The following TRABD2B variants were observed in gnomAD, a reference collection of about 807,000 sequenced individuals.
The protein encoded by TRABD2B is TraB domain containing 2B.
A neutral mutation model predicts 40.1 loss-of-function variants in TRABD2B; 14 were observed. The ratio of observed to expected loss-of-function variants is 0.35; its 90% CI spans 0.23 to 0.55. The LOEUF (loss-of-function observed/expected upper bound fraction) is 0.55. Ranked by LOEUF, TRABD2B falls within the 20% of genes least tolerant of loss-of-function variation. The probability of loss-of-function intolerance (pLI) is 0.90; values close to 1 mark genes in which losing one functional copy is unlikely to be tolerated. For missense variants in TRABD2B, 541 were observed against 648.6 expected, an observed-to-expected ratio of 0.83 and a Z score of 1.80; for synonymous variants, 263 against 277.0, an observed-to-expected ratio of 0.95 and a Z score of 0.50.
At chr1:47,959,171 A>G (rs1035477645) in intron 2 of TRABD2B, among the ~76,000 whole-genome samples, 5 of 152,250 alleles carry the variant, frequency 3.3e-5, no homozygotes, top group African/African-American at 1.2e-4. Context: ...CAACGAGAAC[A>G]AAGAAACAAC....
chr1:47,778,860 C>A (rs150013840), intron 4 of TRABD2B, among the ~76,000 whole-genome samples: 1 of 152,202 alleles, frequency 6.6e-6, no homozygotes. Flanking sequence ...GCTACCTGCA[C>A]GTAGTAAGGG....
intron 2 of TRABD2B, among the ~76,000 whole-genome samples, chr1:47,822,435 T>C (rs1402754554): frequency 6.6e-6 from 1 of 152,228 alleles, no homozygotes; most frequent in Non-Finnish European, 1.5e-5. Context: ...TGCTGAGCTC[T>C]GAGCTTCCCT....
At chr1:47,775,547 C>T (rs1217266289) in intron 5 of TRABD2B, 108 bp from the exon 6 acceptor site, 1 of 1,132,768 alleles carries the variant, frequency 8.8e-7, no homozygotes, top group Non-Finnish European at 1.1e-6. Context: ...GGAGAAAGTG[C>T]CAGGGTGCCC....
intron 6 of TRABD2B, among the ~76,000 whole-genome samples, chr1:47,767,900 G>A (rs1039501360): frequency 6.6e-6 from 1 of 152,194 alleles, no homozygotes; most frequent in Admixed American, 6.5e-5. Context: ...ACCACCACCA[G>A]AACTAAGTCC....
rs1211610583 is a variant in TRABD2B, at chr1:47,984,276, TC to T, written c.666+9757del. 3.3e-5 allele frequency among the ~76,000 whole-genome samples: 5 copies of T among 152,344 alleles called. No homozygotes were observed. The East Asian group carries it at 9.6e-4, about 29-fold the overall frequency. On this transcript the variant is annotated intron_variant, in intron 2 of 6. Transcript: ENST00000606738. ...GGAACGCCTCGCCCCGAGGTGCCTG[TC>T]CGCAGGGCTCCGCCTGTGTCGCTGC...
intron 2 of TRABD2B, among the ~76,000 whole-genome samples, chr1:47,836,571 A>C (rs1417281163): frequency 6.6e-6 from 1 of 152,284 alleles, no homozygotes; most frequent in East Asian, 1.9e-4. Context: ...GTTGGTATCC[A>C]AGAAATGTTG....
intron 2 of TRABD2B, among the ~76,000 whole-genome samples, chr1:47,934,559 T>C (rs984662211): frequency 2.0e-5 from 3 of 152,252 alleles, no homozygotes; most frequent in Non-Finnish European, 4.4e-5. Context: ...TGAGCAGCTT[T>C]GGGGAGTTCT....
At position 47,894,966 on chromosome 1, in the gene TRABD2B, G is replaced by A. The variant is rs755193374; in HGVS notation, c.667-93347C>T. On this transcript the variant is annotated intron_variant, in intron 2 of 6. Coordinates refer to ENST00000606738, the MANE Select transcript of TRABD2B (RefSeq NM_001194986.2). ...AAGAGCTCTGCCAGTACAAGGGCAG[G>A]AGCCTCCTGCCTCCTCCTCCACCAC... Among the ~76,000 whole-genome samples, 12 of 152,114 alleles carry A rather than the reference G, an allele frequency of 7.9e-5. No homozygotes were observed. In the South Asian group the frequency reaches 1.9e-3, roughly 24 times the overall value.
At chr1:47,801,335 G>C (rs1314613976) in intron 3 of TRABD2B, 138 bp downstream of exon 3, 1 of 931,144 alleles carries the variant, frequency 1.1e-6, no homozygotes, top group African/African-American at 1.7e-5. Flanking sequence ...TCATCTCTGA[G>C]CCTCAATTTC....
chr1:47,846,894 A>ACACACACG lies in TRABD2B; in HGVS notation c.667-45276_667-45275insCGTGTGTG, dbSNP rs1439715341. Among the ~76,000 whole-genome samples, 442 of 145,680 alleles carry ACACACACG rather than the reference A, an allele frequency of 3.0e-3. 10 individuals carry two copies. The highest frequency in any genetic ancestry group is 0.01 in the Middle Eastern group (3 of 290). ...CACACACACACACACACACACACAC[A>ACACACACG]CAAATGAGGGCTGGGTGCCCTCTGA... On this transcript the variant is annotated intron_variant, in intron 2 of 6. Coordinates refer to ENST00000606738, the MANE Select transcript of TRABD2B (RefSeq NM_001194986.2).
intron 2 of TRABD2B, among the ~76,000 whole-genome samples, chr1:47,810,553 G>C (rs1174689175): frequency 6.6e-6 from 1 of 152,234 alleles, no homozygotes; most frequent in African/African-American, 2.4e-5. Context: ...GCATGAGCAA[G>C]GGGGAGTGAG....
At chr1:47,850,370 G>C (rs986085801) in intron 2 of TRABD2B, among the ~76,000 whole-genome samples, 2 of 152,236 alleles carry the variant, frequency 1.3e-5, no homozygotes, top group Non-Finnish European at 2.9e-5. Context: ...GCAAGCTACT[G>C]TCAGAAACTG....
intron 2 of TRABD2B, among the ~76,000 whole-genome samples, chr1:47,853,619 T>A (rs1021958802): frequency 6.6e-6 from 1 of 152,214 alleles, no homozygotes; most frequent in Non-Finnish European, 1.5e-5. Flanking sequence ...ATGGTTAATA[T>A]GGGTTATCCT....
At chr1:47,849,502 T>C (rs1193996135) in intron 2 of TRABD2B, among the ~76,000 whole-genome samples, 1 of 152,212 alleles carries the variant, frequency 6.6e-6, no homozygotes, top group Non-Finnish European at 1.5e-5. Context: ...ATGAATACAG[T>C]GGCTCACCTA....
rs150307560 is a variant in TRABD2B at position 47,985,122 on chromosome 1, C to T, written c.666+8912G>A. Among the ~76,000 whole-genome samples, 11 of 152,318 alleles carry T rather than the reference C, an allele frequency of 7.2e-5. 1 individual carries two copies. Among genetic ancestry groups the T allele is most frequent in the African/African-American group, 2.4e-4 (10 of 41,568 alleles). On this transcript the variant is annotated intron_variant, in intron 2 of 6. Coordinates refer to ENST00000606738, the MANE Select transcript of TRABD2B (RefSeq NM_001194986.2). ...TACAGTTGACATGAGAAAACTGACG[C>T]ACAGACAGCTTATGTAACTACCCCA... is the stretch of plus-strand genomic sequence containing the variant.
At chr1:47,795,553 T>G (rs1465284641) in intron 3 of TRABD2B, 3 of 641,100 alleles carry the variant, frequency 4.7e-6, no homozygotes, top group Non-Finnish European at 5.8e-6. Context: ...TGATGCTGCG[T>G]GGCACCGGGC....
chr1:47,850,059 A>G (rs1645526689), intron 2 of TRABD2B, among the ~76,000 whole-genome samples: 2 of 152,210 alleles, frequency 1.3e-5, no homozygotes, highest in Non-Finnish European at 2.9e-5. Context: ...TGTTTATACA[A>G]AAGAAAATCT....
intron 2 of TRABD2B, among the ~76,000 whole-genome samples, chr1:47,976,252 G>T (rs1004432274): frequency 3.3e-5 from 5 of 152,140 alleles, no homozygotes; most frequent in Non-Finnish European, 7.3e-5. Context: ...AATCTAAGAA[G>T]CCAACCTTCT....
intron 2 of TRABD2B, among the ~76,000 whole-genome samples, chr1:47,871,481 T>C (rs1332051042): frequency 6.6e-6 from 1 of 152,176 alleles, no homozygotes; most frequent in Non-Finnish European, 1.5e-5. Context: ...ACTGCATGCC[T>C]ACTGAACAGA....
Sources: gnomAD v4.1 joint callset for allele counts (sites outside exome capture counted in the v4.1 genomes callset) on GRCh38, gnomAD v4.1.1 for gene constraint, MANE v1.5 for transcripts, NCBI Gene and HGNC (gene_info 2026-07-23, HGNC 2026-07-21) for gene names.